The following ASTN2 variants were observed in gnomAD, a reference collection of about 807,000 sequenced individuals.
ASTN2 encodes the protein astrotactin-2.
ASTN2 carries 54 observed loss-of-function variants against 139.8 expected under a neutral mutation model. The ratio of observed to expected loss-of-function variants is 0.39; its 90% CI spans 0.31 to 0.48. The LOEUF (loss-of-function observed/expected upper bound fraction) is 0.48. ASTN2 is among the 20% of genes least tolerant of loss of function. ASTN2 has a pLI of 0.95. For synonymous variants in ASTN2, 756 were observed against 719.5 expected, an observed-to-expected ratio of 1.05 and a Z score of -0.81; for missense variants, 1,565 against 1,725.1, an observed-to-expected ratio of 0.91 and a Z score of 1.64.
chr9:116,503,815 A>C (rs2119152277), intron 19 of ASTN2, among the ~76,000 whole-genome samples: 1 of 152,300 alleles, frequency 6.6e-6, no homozygotes, highest in South Asian at 2.1e-4. Context: ...TTCCTCATTT[A>C]ATCCTCACGA....
At chr9:117,407,162 G>C (rs907734163) in intron 1 of ASTN2, among the ~76,000 whole-genome samples, 5 of 152,206 alleles carry the variant, frequency 3.3e-5, no homozygotes, top group Admixed American at 3.3e-4. Context: ...TTCCCCAGGG[G>C]ATGGTGAGGT....
At chr9:116,812,353 T>A (rs1219787738) in intron 12 of ASTN2, among the ~76,000 whole-genome samples, 2 of 152,132 alleles carry the variant, frequency 1.3e-5, no homozygotes, top group Non-Finnish European at 2.9e-5. Context: ...ATCACATGTT[T>A]CCCATAAGAG....
At chr9:116,906,216 T>C (rs1834155476) in intron 10 of ASTN2, among the ~76,000 whole-genome samples, 1 of 152,002 alleles carries the variant, frequency 6.6e-6, no homozygotes, top group Admixed American at 6.6e-5. Context: ...ACATAAGTGA[T>C]AAGGATCAAA....
At chr9:117,330,643 T>A (rs984752026) in intron 1 of ASTN2, among the ~76,000 whole-genome samples, 5 of 152,166 alleles carry the variant, frequency 3.3e-5, no homozygotes, top group African/African-American at 1.2e-4. Context: ...CATGAACACA[T>A]GTGGAGAGAG....
chr9:116,725,439 G>C lies in ASTN2; in HGVS notation c.2806+332C>G, dbSNP rs1319422264. Among the ~76,000 whole-genome samples, 5 of 151,974 alleles carry C rather than the reference G, an allele frequency of 3.3e-5. No individual in the cohort carries two copies. In the East Asian group the frequency reaches 7.8e-4, roughly 24 times the overall value. Reference sequence around the variant, plus strand: ...AAGTGTCAAGAAGACACCACTTGCTGACCCCCAACCTGATCTCTGGCAGTT... The same window carrying C: ...AAGTGTCAAGAAGACACCACTTGCTCACCCCCAACCTGATCTCTGGCAGTT... On this transcript the variant is annotated intron_variant, in intron 16 of 22. Coordinates refer to ENST00000313400, the MANE Select transcript of ASTN2 (RefSeq NM_001365068.1).
chr9:117,075,846 C>A (rs538213359), intron 5 of ASTN2, among the ~76,000 whole-genome samples: 4 of 152,154 alleles, frequency 2.6e-5, no homozygotes, highest in Non-Finnish European at 4.4e-5. Flanking sequence ...TCAGTTTTCT[C>A]ATCCATCAAG....
Position 116,770,196 on chromosome 9 carries a change from G to A in ASTN2, c.2396+35436C>T, listed in dbSNP as rs554168832. Among the ~76,000 whole-genome samples, 126 of 152,130 alleles carry A rather than the reference G, an allele frequency of 8.3e-4. 1 individual carries two copies. The South Asian group carries it at 0.016, about 19-fold the overall frequency. On this transcript the variant is annotated intron_variant, in intron 13 of 22. Transcript: ENST00000313400. ...TCCAACTAGTGTCAAAGACCCAGCC[G>A]ATATTGGAGAACATAGATGGGGGTT...
intron 4 of ASTN2, among the ~76,000 whole-genome samples, chr9:117,113,688 A>G (rs1275627368): frequency 6.7e-6 from 1 of 149,102 alleles, no homozygotes; most frequent in Non-Finnish European, 1.5e-5. Context: ...CAAAAAAAAA[A>G]GGATCTACTG....
At chr9:116,790,915 A>G (rs1289495487) in intron 13 of ASTN2, among the ~76,000 whole-genome samples, 1 of 148,182 alleles carries the variant, frequency 6.7e-6, no homozygotes, top group Non-Finnish European at 1.5e-5. Flanking sequence ...AAGAAAGAGA[A>G]AGAAAGGAAG....
intron 19 of ASTN2, among the ~76,000 whole-genome samples, chr9:116,614,665 G>T (rs1269928289): frequency 6.6e-6 from 1 of 152,146 alleles, no homozygotes; most frequent in African/African-American, 2.4e-5. Flanking sequence ...AAACTGGCTA[G>T]CCATATGTAG....
At position 116,587,579 on chromosome 9, in the gene ASTN2, T is replaced by C. The variant is rs184680036; in HGVS notation, c.3355+30745A>G. 5.3e-5 allele frequency among the ~76,000 whole-genome samples: 8 copies of C among 152,238 alleles called. No homozygotes were observed. In the East Asian group the frequency reaches 1.4e-3, roughly 26 times the overall value. The stretch of plus-strand genomic sequence containing the variant: ...CATTTATATAGTAGGGATAATGATA[T>C]AAGCTTCCAGGACTTGCTGTGATTA... On this transcript the variant is annotated intron_variant, in intron 19 of 22. Coordinates refer to ENST00000313400, the MANE Select transcript of ASTN2 (RefSeq NM_001365068.1).
At chr9:116,717,425 C>T (rs1291504070) in intron 16 of ASTN2, among the ~76,000 whole-genome samples, 2 of 152,102 alleles carry the variant, frequency 1.3e-5, no homozygotes, top group African/African-American at 2.4e-5. Context: ...TGTCTTCTGG[C>T]GTGCTGTAGA....
intron 17 of ASTN2, among the ~76,000 whole-genome samples, chr9:116,632,882 T>C (rs1328697334): frequency 6.6e-6 from 1 of 152,224 alleles, no homozygotes; most frequent in Non-Finnish European, 1.5e-5. Flanking sequence ...TACTGGACTA[T>C]GAGTTATTTG....
chr9:116,877,314 G>GT (rs56011005), intron 10 of ASTN2, among the ~76,000 whole-genome samples: 171 of 151,290 alleles, frequency 1.1e-3, no homozygotes, highest in African/African-American at 3.8e-3. Context: ...CTAAGTGTGG[G>GT]TTTTTTTTTG....
At chr9:116,539,511 T>G (rs2119340854) in intron 19 of ASTN2, among the ~76,000 whole-genome samples, 1 of 152,304 alleles carries the variant, frequency 6.6e-6, no homozygotes, top group South Asian at 2.1e-4. Flanking sequence ...ATGCAAAGTT[T>G]TATGAACATT....
intron 2 of ASTN2, among the ~76,000 whole-genome samples, chr9:117,232,502 T>C (rs529303251): frequency 6.6e-6 from 1 of 152,336 alleles, no homozygotes; most frequent in South Asian, 2.1e-4. Flanking sequence ...GATTCCCATG[T>C]GAGAGGGTGC....
chr9:117,385,072 G>A (rs1830362779), intron 1 of ASTN2, among the ~76,000 whole-genome samples: 1 of 152,086 alleles, frequency 6.6e-6, no homozygotes, highest in African/African-American at 2.4e-5. Context: ...CGAAGTTTTT[G>A]ATGCTTTCTG....
intron 6 of ASTN2, among the ~76,000 whole-genome samples, chr9:117,038,157 G>C (rs1459944104): frequency 1.3e-5 from 2 of 152,100 alleles, no homozygotes; most frequent in Non-Finnish European, 2.9e-5. Flanking sequence ...AGAGAATGGT[G>C]GTAAAATTCC....
chr9:117,308,274 G>A lies in ASTN2; in HGVS notation c.443-16761C>T, dbSNP rs185344778. Among the ~76,000 whole-genome samples the A allele has an allele frequency of 9.9e-5, 15 of 152,098 alleles. No individual in the cohort carries two copies. In the East Asian group the frequency reaches 2.7e-3, roughly 27 times the overall value. ...CAAACAAACAAAAAGGAGAAATAATGCATTAATACTCCTTCACTTTCCATA... is the reference window on the plus strand; with the variant it reads ...CAAACAAACAAAAAGGAGAAATAATACATTAATACTCCTTCACTTTCCATA... On this transcript the variant is annotated intron_variant, in intron 1 of 22. Coordinates refer to ENST00000313400, the MANE Select transcript of ASTN2 (RefSeq NM_001365068.1).
Sources: allele counts gnomAD v4.1 joint callset (sites outside exome capture counted in the v4.1 genomes callset), GRCh38; gene constraint gnomAD v4.1.1; transcripts MANE v1.5; gene names NCBI Gene and HGNC (gene_info 2026-07-23, HGNC 2026-07-21).